SCAPER: variants seen among roughly 807,000 people sequenced by gnomAD.
The protein encoded by SCAPER is S phase cyclin A-associated protein in the endoplasmic reticulum.
A neutral mutation model predicts 182.2 loss-of-function variants in SCAPER; 98 were observed. That is an observed-to-expected ratio of 0.54 (90% CI 0.46 to 0.64). The LOEUF is 0.64. Among genes scored for constraint, SCAPER ranks in the 30% least tolerant of loss-of-function variants. SCAPER has a pLI of 0.00. For missense variants in SCAPER, 1,432 were observed against 1,690.0 expected (o/e 0.85, Z 2.68); for synonymous variants, 605 against 564.6 (o/e 1.07, Z -1.01).
intron 5 of SCAPER, among the ~76,000 whole-genome samples, chr15:76,813,227 T>TAAAAAAAA (rs746891532): frequency 0.027 from 445 of 16,748 alleles, 14 homozygotes; most frequent in Non-Finnish European, 0.033. Flanking sequence ...ATCCTTTCAC[T>TAAAAAAAA]AAAAAAAAAA....
rs2042555303 is a variant in SCAPER, at chr15:76,376,225, T to G, written c.3792A>C (p.Glu1264Asp). Reference protein sequence around the residue: ...LLGHCSQVSCESLLHEVIVCV... With the variant: ...LLGHCSQVSCDSLLHEVIVCV... ...AGACGATGACCTCATGAAGGAGGCTTTCACAGGAGACTTGGCTGCAGTGGC... is the reference window on the plus strand; with the variant it reads ...AGACGATGACCTCATGAAGGAGGCTGTCACAGGAGACTTGGCTGCAGTGGC... Residue 1264 changes from glutamate (E) to aspartate (D), a missense_variant, in exon 29 of 32, where the codon GAA (glutamate) becomes GAC (aspartate). By Grantham distance (45) the Glu-to-Asp change is conservative. This residue lies in a region of SCAPER where 718 missense variants were observed against 799.7 expected (regional missense o/e 0.90). Transcript: ENST00000563290. 3.7e-6 allele frequency: 6 copies of G among 1,613,976 alleles called. No individual in the cohort carries two copies. Among genetic ancestry groups the G allele is most frequent in the Non-Finnish European group, 5.1e-6 (6 of 1,179,880 alleles).
At chr15:76,841,466 GC>G (rs1448567568) in intron 5 of SCAPER, among the ~76,000 whole-genome samples, 4 of 152,090 alleles carry the variant, frequency 2.6e-5, no homozygotes, top group African/African-American at 9.7e-5. Context: ...GACTAACACA[GC>G]AAAACCCTGT....
chr15:76,517,903 TA>T (rs35628491), intron 23 of SCAPER, among the ~76,000 whole-genome samples: 101 of 145,074 alleles, frequency 7.0e-4, no homozygotes, highest in Middle Eastern at 7.1e-3. Flanking sequence ...CACTAGCAGC[TA>T]AAAAAAAAAA....
chr15:76,476,897 T>A (rs1369115636), intron 24 of SCAPER, among the ~76,000 whole-genome samples: 1 of 112,504 alleles, frequency 8.9e-6, no homozygotes, highest in Non-Finnish European at 1.8e-5. Flanking sequence ...CTCTTACTAT[T>A]CTGTCCAATT....
chr15:76,431,676 C>CAAA (rs60675828), intron 26 of SCAPER, among the ~76,000 whole-genome samples: 9 of 47,128 alleles, frequency 1.9e-4, no homozygotes, highest in South Asian at 2.9e-3. Flanking sequence ...AAATGATTAG[C>CAAA]AAAAAAAAAA....
intron 20 of SCAPER, among the ~76,000 whole-genome samples, chr15:76,671,138 G>A (rs192836591): frequency 8.6e-5 from 13 of 151,534 alleles, no homozygotes; most frequent in Non-Finnish European, 1.5e-4. Flanking sequence ...CCAGGAGTTC[G>A]AGATCAACCT....
intron 22 of SCAPER, among the ~76,000 whole-genome samples, chr15:76,617,368 A>G (rs1447205245): frequency 1.3e-5 from 2 of 152,194 alleles, no homozygotes; most frequent in African/African-American, 4.8e-5. Context: ...TCCTTTCCCT[A>G]ATGACTTGGA....
intron 4 of SCAPER, among the ~76,000 whole-genome samples, chr15:76,853,207 G>C (rs1214051433): frequency 6.6e-6 from 1 of 152,034 alleles, no homozygotes; most frequent in Non-Finnish European, 1.5e-5. Context: ...ACCAAAAAAA[G>C]CCCAGGACCA....
At chr15:76,375,604 T>C (rs1161558443) in intron 29 of SCAPER, among the ~76,000 whole-genome samples, 1 of 152,230 alleles carries the variant, frequency 6.6e-6, no homozygotes, top group Non-Finnish European at 1.5e-5. Context: ...CATGCTTCTC[T>C]GTGGCTTAAG....
At chr15:76,847,699 T>C (rs936373199) in intron 4 of SCAPER, among the ~76,000 whole-genome samples, 7 of 152,150 alleles carry the variant, frequency 4.6e-5, no homozygotes, top group Non-Finnish European at 7.4e-5. Flanking sequence ...GATGAGAGGA[T>C]TGCTTGAGCT....
chr15:76,348,864 C>T, intron 31 of SCAPER, 128 bp from the exon 32 acceptor site: 3 of 589,146 alleles, frequency 5.1e-6, no homozygotes, highest in Non-Finnish European at 9.1e-6. Flanking sequence ...AACCATGACA[C>T]AATTTAGGTA....
At chr15:76,461,389 A>G (rs1193531089) in intron 25 of SCAPER, among the ~76,000 whole-genome samples, 1 of 151,898 alleles carries the variant, frequency 6.6e-6, no homozygotes, top group African/African-American at 2.4e-5. Flanking sequence ...AGATTATGCA[A>G]ATATCCTCTT....
At chr15:76,457,330 TG>T (rs2048816202) in intron 25 of SCAPER, among the ~76,000 whole-genome samples, 2 of 152,236 alleles carry the variant, frequency 1.3e-5, no homozygotes, top group African/African-American at 2.4e-5. Flanking sequence ...CCCACAGAGC[TG>T]GGATTATAGG....
intron 25 of SCAPER, among the ~76,000 whole-genome samples, chr15:76,452,897 T>C (rs1364901433): frequency 6.6e-6 from 1 of 152,182 alleles, no homozygotes; most frequent in Non-Finnish European, 1.5e-5. Context: ...CTGGTGCAAT[T>C]ATAGCCTACT....
chr15:76,555,346 TAAC>T (rs1200541705), intron 23 of SCAPER, among the ~76,000 whole-genome samples: 1 of 152,038 alleles, frequency 6.6e-6, no homozygotes, highest in Non-Finnish European at 1.5e-5. Context: ...AATAACTAGC[TAAC>T]AACAAGATGA....
chr15:76,662,516 C>G (rs1345312964), intron 21 of SCAPER, among the ~76,000 whole-genome samples: 3 of 151,870 alleles, frequency 2.0e-5, no homozygotes, highest in African/African-American at 7.3e-5. Flanking sequence ...CTATAGAAAT[C>G]AAGAGAGTTT....
chr15:76,480,221 T>A (rs2050997884), intron 24 of SCAPER, among the ~76,000 whole-genome samples: 1 of 152,238 alleles, frequency 6.6e-6, no homozygotes. Flanking sequence ...TTACTGAATA[T>A]CTTTGGTTTG....
At position 76,729,102 on chromosome 15, in the gene SCAPER, C is replaced by T. The variant is rs564591536; in HGVS notation, c.2023-365G>A. On this transcript the variant is annotated intron_variant, in intron 16 of 31. Coordinates refer to ENST00000563290, the MANE Select transcript of SCAPER (RefSeq NM_020843.4). ...AGCCTACCAGCCTACATCCTTCAGC[C>T]GTGCTGGATGCTTCCTGCCCTCAAA... 8.0e-4 allele frequency among the ~76,000 whole-genome samples: 121 copies of T among 152,128 alleles called. 1 individual carries two copies. Among genetic ancestry groups the T allele is most frequent in the African/African-American group, 2.7e-3 (111 of 41,506 alleles).
intron 21 of SCAPER, among the ~76,000 whole-genome samples, chr15:76,643,110 G>C (rs2054236593): frequency 6.6e-6 from 1 of 152,130 alleles, no homozygotes; most frequent in East Asian, 1.9e-4. Flanking sequence ...GCTGAGTCAA[G>C]GATATCTGCA....
Sources: gnomAD v4.1 joint callset for allele counts (sites outside exome capture counted in the v4.1 genomes callset) on GRCh38, gnomAD v4.1.1 for gene constraint, gnomAD v4.1.1 regional missense constraint, MANE v1.5 for transcripts, NCBI Gene and HGNC (gene_info 2026-07-23, HGNC 2026-07-21) for gene names.